The following C8orf89 variants were observed in gnomAD, a reference collection of about 807,000 sequenced individuals.
C8orf89 encodes the protein putative uncharacterized protein C8orf89.
A neutral mutation model predicts 15.8 loss-of-function variants in C8orf89; 14 were observed. The ratio of observed to expected loss-of-function variants is 0.89; its 90% CI spans 0.59 to 1.39. C8orf89 has a LOEUF of 1.39. C8orf89 is among the 40% of genes most tolerant of loss of function. C8orf89 has a pLI of 0.00. For missense variants in C8orf89, 181 were observed against 184.5 expected, an observed-to-expected ratio of 0.98 and a Z score of 0.11; for synonymous variants, 55 against 62.2, an observed-to-expected ratio of 0.88 and a Z score of 0.54.
At chr8:73,285,092 A>G in the C8orf89 span, among the ~76,000 whole-genome samples, 2 of 152,200 alleles carry the variant, frequency 1.3e-5, no homozygotes, top group African/African-American at 2.4e-5. Context: ...TTGGCAACAG[A>G]AAGAGGGTTT....
chr8:73,256,349 G>A (rs1207767708), intron 2 of C8orf89, among the ~76,000 whole-genome samples: 1 of 150,880 alleles, frequency 6.6e-6, no homozygotes, highest in Non-Finnish European at 1.5e-5. Flanking sequence ...ATATTGCAGA[G>A]AGTTAATTTT....
chr8:73,275,708 C>T, the C8orf89 span, among the ~76,000 whole-genome samples: 4 of 151,934 alleles, frequency 2.6e-5, no homozygotes, highest in African/African-American at 4.8e-5. Flanking sequence ...ATTTGTAGTG[C>T]TTTATATTTG....
At chr8:73,271,113 A>G in the C8orf89 span, among the ~76,000 whole-genome samples, 34 of 152,158 alleles carry the variant, frequency 2.2e-4, no homozygotes, top group African/African-American at 8.0e-4. Context: ...ATTTATTTTC[A>G]TGTCAACCTG....
intron 3 of C8orf89, among the ~76,000 whole-genome samples, chr8:73,249,978 G>A (rs1813212326): frequency 1.3e-5 from 2 of 152,038 alleles, no homozygotes; most frequent in Non-Finnish European, 2.9e-5. Context: ...GGCTTTTTTT[G>A]TGGTATTGAA....
the C8orf89 span, among the ~76,000 whole-genome samples, chr8:73,276,955 C>T: frequency 2.0e-5 from 3 of 151,748 alleles, no homozygotes; most frequent in East Asian, 1.9e-4. Context: ...TACAGGTGCA[C>T]GCCACCATGC....
chr8:73,280,625 C>T, the C8orf89 span, among the ~76,000 whole-genome samples: 3 of 152,008 alleles, frequency 2.0e-5, no homozygotes, highest in Non-Finnish European at 2.9e-5. Flanking sequence ...CCACCCACCT[C>T]GTCCTCCTAA....
chr8:73,251,706 G>A (rs1308690676), intron 2 of C8orf89, among the ~76,000 whole-genome samples: 3 of 152,064 alleles, frequency 2.0e-5, no homozygotes, highest in Non-Finnish European at 4.4e-5. Flanking sequence ...ATAATGAGAA[G>A]CAAAATAAAG....
At chr8:73,266,757 C>T in the C8orf89 span, among the ~76,000 whole-genome samples, 1 of 152,040 alleles carries the variant, frequency 6.6e-6, no homozygotes, top group African/African-American at 2.4e-5. Flanking sequence ...GCACTGTCCA[C>T]TGAACTGCAG....
chr8:73,270,568 G>A, the C8orf89 span, among the ~76,000 whole-genome samples: 7 of 152,092 alleles, frequency 4.6e-5, no homozygotes, highest in African/African-American at 1.7e-4. Context: ...GATGGCCGAA[G>A]GAACACAACT....
chr8:73,243,149 G>T (rs1813041047), intron 3 of C8orf89, among the ~76,000 whole-genome samples: 1 of 152,202 alleles, frequency 6.6e-6, no homozygotes, highest in Admixed American at 6.5e-5. Context: ...ATGGTTACCA[G>T]AGGCTGGGAA....
the C8orf89 span, among the ~76,000 whole-genome samples, chr8:73,270,231 C>T: frequency 6.6e-6 from 1 of 152,252 alleles, no homozygotes; most frequent in African/African-American, 2.4e-5. Flanking sequence ...ACCCCCATCC[C>T]AATACCAAAC....
the C8orf89 span, chr8:73,277,635 C>G: frequency 1.1e-5 from 8 of 758,438 alleles, no homozygotes; most frequent in Non-Finnish European, 2.0e-5. Context: ...AGAACTTTTT[C>G]TTTTCATCCA....
At chr8:73,278,738 A>C in the C8orf89 span, among the ~76,000 whole-genome samples, 2 of 152,150 alleles carry the variant, frequency 1.3e-5, no homozygotes, top group Non-Finnish European at 2.9e-5. Flanking sequence ...TTATTCTCTA[A>C]GTCCTTATAA....
At chr8:73,255,992 G>T (rs1460492052) in intron 2 of C8orf89, among the ~76,000 whole-genome samples, 1 of 151,070 alleles carries the variant, frequency 6.6e-6, no homozygotes, top group Non-Finnish European at 1.5e-5. Context: ...ATAGCTTTAG[G>T]AGATATACCT....
the C8orf89 span, among the ~76,000 whole-genome samples, chr8:73,282,278 C>T: frequency 6.6e-6 from 1 of 152,112 alleles, no homozygotes; most frequent in Non-Finnish European, 1.5e-5. Context: ...GCCACTTATA[C>T]AACTATAATA....
At chr8:73,275,779 T>G in the C8orf89 span, among the ~76,000 whole-genome samples, 75 of 152,208 alleles carry the variant, frequency 4.9e-4, no homozygotes, top group Non-Finnish European at 9.7e-4. Context: ...TATTAGTTTA[T>G]TTTTAACCTG....
At chr8:73,285,883 C>A in the C8orf89 span, among the ~76,000 whole-genome samples, 1 of 152,192 alleles carries the variant, frequency 6.6e-6, no homozygotes, top group Admixed American at 6.5e-5. Flanking sequence ...AGCCAGCAGC[C>A]CTGCGACGCT....
chr8:73,267,183 CTA>C, the C8orf89 span, among the ~76,000 whole-genome samples: 1 of 152,100 alleles, frequency 6.6e-6, no homozygotes, highest in Non-Finnish European at 1.5e-5. Flanking sequence ...CCTATATATG[CTA>C]TGTTTTTTCC....
the C8orf89 span, among the ~76,000 whole-genome samples, chr8:73,275,135 T>C: frequency 6.6e-6 from 1 of 152,154 alleles, no homozygotes; most frequent in Non-Finnish European, 1.5e-5. Context: ...TTATTCTCCA[T>C]GTACTAATCT....
Sources: gnomAD v4.1 joint callset for allele counts (sites outside exome capture counted in the v4.1 genomes callset) on GRCh38, gnomAD v4.1.1 for gene constraint, MANE v1.5 for transcripts, NCBI Gene and HGNC (gene_info 2026-07-23, HGNC 2026-07-21) for gene names.